The following DLGAP2 variants were observed in gnomAD, a reference collection of about 807,000 sequenced individuals.
The protein encoded by DLGAP2 is DLG associated protein 2, also known as disks large-associated protein 2.
A neutral mutation model predicts 100.3 loss-of-function variants in DLGAP2; 26 were observed. That is an observed-to-expected ratio of 0.26 (90% CI 0.19 to 0.36). The LOEUF (loss-of-function observed/expected upper bound fraction) is 0.36, where lower values mean the gene tolerates loss of function less well. DLGAP2 is among the 10% of genes least tolerant of loss of function. The probability of loss-of-function intolerance (pLI) is 1.00; values close to 1 mark genes in which losing one functional copy is unlikely to be tolerated. For missense variants in DLGAP2, 1,858 were observed against 1,453.2 expected (o/e 1.28, Z -4.53); for synonymous variants, 886 against 630.1 (o/e 1.41, Z -6.08).
intron 5 of DLGAP2, among the ~76,000 whole-genome samples, chr8:1,560,096 A>G (rs778132622): frequency 6.6e-6 from 1 of 152,236 alleles, no homozygotes; most frequent in East Asian, 1.9e-4. Flanking sequence ...GTTTATTACA[A>G]AAGTCATATA....
At chr8:901,064 G>T (rs113044113) in intron 1 of DLGAP2, among the ~76,000 whole-genome samples, 52 of 152,338 alleles carry the variant, frequency 3.4e-4, no homozygotes, top group African/African-American at 1.2e-3. Context: ...GCTGAGGCAG[G>T]AAGATTGCAT....
intron 6 of DLGAP2, among the ~76,000 whole-genome samples, chr8:1,625,540 C>G (rs1179185864): frequency 6.6e-6 from 1 of 152,220 alleles, no homozygotes; most frequent in Non-Finnish European, 1.5e-5. Flanking sequence ...ATTATATTTG[C>G]TGATATTGCA....
intron 2 of DLGAP2, among the ~76,000 whole-genome samples, chr8:1,059,624 T>C (rs1012723340): frequency 1.3e-5 from 2 of 152,180 alleles, no homozygotes; most frequent in African/African-American, 4.8e-5. Context: ...TGCTCCCTCC[T>C]GTGTCCCCAC....
chr8:1,693,897 A>G (rs1467693648), intron 13 of DLGAP2, among the ~76,000 whole-genome samples: 2 of 152,114 alleles, frequency 1.3e-5, no homozygotes, highest in Non-Finnish European at 2.9e-5. Context: ...CATAGTATCT[A>G]TTTGATTATT....
rs567322284 is a variant in DLGAP2 at position 1,203,979 on chromosome 8, G to A, written c.74-54872G>A. Among the ~76,000 whole-genome samples, 130 of 152,298 alleles carry A rather than the reference G, an allele frequency of 8.5e-4. 1 individual carries two copies. In the South Asian group the frequency reaches 0.017, roughly 20 times the overall value. ...AAAAATAGGTCACTTCCAAAAAGGC[G>A]TTCTTTTGAACTAAGCATGTAGGGT... is the stretch of plus-strand genomic sequence containing the variant. On this transcript the variant is annotated intron_variant, in intron 2 of 14. Transcript: ENST00000637795.
chr8:1,222,451 G>T (rs1485088621), intron 2 of DLGAP2, among the ~76,000 whole-genome samples: 8 of 152,154 alleles, frequency 5.3e-5, no homozygotes, highest in African/African-American at 1.9e-4. Context: ...AGTACCTGCT[G>T]TGCTGGAGGG....
At position 1,181,346 on chromosome 8, in the gene DLGAP2, C is replaced by A. The variant is rs138266067; in HGVS notation, c.74-77505C>A. On this transcript the variant is annotated intron_variant, in intron 2 of 14. Transcript: ENST00000637795. The stretch of plus-strand genomic sequence containing the variant: ...TTAAAGCTTGAGTGCACTGTTTGAT[C>A]TTTAACAATGGGAAGAGTGTTTTCT... Among the ~76,000 whole-genome samples the A allele has an allele frequency of 1.5e-4, 23 of 152,358 alleles. No individual in the cohort carries two copies. In the East Asian group the frequency reaches 4.1e-3, roughly 27 times the overall value.
At chr8:1,090,441 G>C (rs1804140377) in intron 2 of DLGAP2, among the ~76,000 whole-genome samples, 1 of 152,260 alleles carries the variant, frequency 6.6e-6, no homozygotes, top group African/African-American at 2.4e-5. Context: ...GCAGGCTCTT[G>C]GGCTCCTTAG....
chr8:1,198,944 CTG>C lies in DLGAP2; in HGVS notation c.74-59904_74-59903del, dbSNP rs1240093206. ...TGCCCGGGACCTGGATACAGGCAGA[CTG>C]TGCTTGGCAAGGGCTATACCAGTTG... On this transcript the variant is annotated intron_variant, in intron 2 of 14. Transcript: ENST00000637795. 2.0e-5 allele frequency among the ~76,000 whole-genome samples: 3 copies of C among 152,236 alleles called. No homozygotes were observed. In the South Asian group the frequency reaches 6.2e-4, roughly 31 times the overall value.
chr8:1,422,882 T>A (rs1223637002), intron 3 of DLGAP2, among the ~76,000 whole-genome samples: 1 of 152,132 alleles, frequency 6.6e-6, no homozygotes, highest in Non-Finnish European at 1.5e-5. Flanking sequence ...AATCAAGCGG[T>A]GTGAGGCCTG....
intron 2 of DLGAP2, among the ~76,000 whole-genome samples, chr8:1,094,058 G>A (rs978194555): frequency 2.6e-5 from 4 of 151,816 alleles, no homozygotes; most frequent in Admixed American, 2.0e-4. Context: ...CCGCGGTGGA[G>A]GGAGGGCAGC....
intron 1 of DLGAP2, among the ~76,000 whole-genome samples, chr8:852,146 A>C (rs1282663507): frequency 2.7e-5 from 4 of 149,882 alleles, no homozygotes; most frequent in Non-Finnish European, 6.0e-5. Context: ...GACACATTGG[A>C]AGCTAAAAAA....
chr8:1,529,845 A>T (rs962834891), intron 4 of DLGAP2, among the ~76,000 whole-genome samples: 1 of 152,212 alleles, frequency 6.6e-6, no homozygotes, highest in Admixed American at 6.5e-5. Context: ...GGGAGACATC[A>T]CATGTCGGTA....
At chr8:864,987 T>C (rs746343668) in intron 1 of DLGAP2, among the ~76,000 whole-genome samples, 1 of 152,216 alleles carries the variant, frequency 6.6e-6, no homozygotes, top group African/African-American at 2.4e-5. Flanking sequence ...ATCTCAGATA[T>C]AAACTTGTTG....
chr8:1,228,763 A>T (rs888493231), intron 2 of DLGAP2, among the ~76,000 whole-genome samples: 32 of 152,218 alleles, frequency 2.1e-4, no homozygotes, highest in African/African-American at 7.5e-4. Flanking sequence ...ACAAACTGGA[A>T]ATAGAAGAGA....
intron 9 of DLGAP2, among the ~76,000 whole-genome samples, chr8:1,669,030 G>A (rs1798621165): frequency 6.6e-6 from 1 of 152,222 alleles, no homozygotes; most frequent in Admixed American, 6.5e-5. Context: ...GCTTTAAAGG[G>A]GAGGGTTTCT....
intron 2 of DLGAP2, among the ~76,000 whole-genome samples, chr8:915,668 C>T (rs1326127867): frequency 6.6e-6 from 1 of 152,160 alleles, no homozygotes; most frequent in African/African-American, 2.4e-5. Flanking sequence ...ATGCGTTTGC[C>T]TTAGCTTTTG....
chr8:1,688,274 A>C (rs1312152646), intron 12 of DLGAP2: 1 of 152,236 alleles, frequency 6.6e-6, no homozygotes, highest in African/African-American at 2.4e-5. Flanking sequence ...AATCAGATCC[A>C]AGGAAGAGCA....
At chr8:822,042 A>G (rs1276405067) in intron 1 of DLGAP2, 5 of 398,470 alleles carry the variant, frequency 1.3e-5, no homozygotes, top group Non-Finnish European at 2.2e-5. Context: ...AGGGGAGGTT[A>G]TTTACCCTTT....
Sources: allele counts gnomAD v4.1 joint callset (sites outside exome capture counted in the v4.1 genomes callset), GRCh38; gene constraint gnomAD v4.1.1; transcripts MANE v1.5; gene names NCBI Gene and HGNC (gene_info 2026-07-23, HGNC 2026-07-21).